Variants in JAKMIP2 observed in about 807,000 individuals in gnomAD.
JAKMIP2 encodes the protein janus kinase and microtubule-interacting protein 2.
JAKMIP2 carries 25 observed loss-of-function variants against 115.0 expected under a neutral mutation model. That is an observed-to-expected ratio of 0.22 (90% confidence interval 0.16 to 0.30). JAKMIP2 has a LOEUF of 0.30. JAKMIP2 is among the 10% of genes least tolerant of loss of function. JAKMIP2 has a pLI of 1.00. For synonymous variants in JAKMIP2, 334 were observed against 343.6 expected, an observed-to-expected ratio of 0.97 and a Z score of 0.31; for missense variants, 642 against 957.6, an observed-to-expected ratio of 0.67 and a Z score of 4.35.
intron 16 of JAKMIP2, among the ~76,000 whole-genome samples, chr5:147,626,699 C>A (rs1221515606): frequency 6.6e-6 from 1 of 152,150 alleles, no homozygotes; most frequent in Non-Finnish European, 1.5e-5. Flanking sequence ...TGTACTGCAC[C>A]CACACAGGGC....
chr5:147,702,903 ACT>A lies in JAKMIP2; in HGVS notation c.-148-30951_-148-30950del, dbSNP rs932290683. ...GACTCCTCATAAATATACTTGGGAA[ACT>A]CTGCAATAAATGGGATTTGTTTCCA... is the stretch of plus-strand genomic sequence containing the variant. On this transcript the variant is annotated intron_variant, in intron 1 of 21. Transcript: ENST00000616793. Among the ~76,000 whole-genome samples the A allele has an allele frequency of 1.1e-4, 17 of 152,214 alleles. No individual in the cohort carries two copies. In the East Asian group the frequency reaches 1.2e-3, roughly 10 times the overall value.
chr5:147,591,531 A>T lies in JAKMIP2; in HGVS notation c.*176T>A. On this transcript the variant is annotated 3_prime_UTR_variant, in exon 22 of 22. Transcript: ENST00000616793. ...TTGTGTAGGAACTGTCAAGTAAGAA[A>T]CCTTGAATAATGGCTTTAAAATACA... The T allele has an allele frequency of 5.5e-6, 4 of 733,656 alleles. No individual in the cohort carries two copies. The highest frequency in any genetic ancestry group is 5.1e-5 in the Admixed American group (2 of 38,992). 45.4% of individuals were successfully genotyped at this position (733,656 alleles called of 1,614,324 possible). A position where few individuals can be genotyped will look rare whatever the true frequency, so the allele number is the denominator to read the frequency against.
At chr5:147,720,826 T>C (rs1321868203) in intron 1 of JAKMIP2, among the ~76,000 whole-genome samples, 2 of 152,208 alleles carry the variant, frequency 1.3e-5, no homozygotes, top group African/African-American at 2.4e-5. Flanking sequence ...AATTTGATCA[T>C]CTGAAGCCTT....
chr5:147,595,662 T>C (rs1035414297), intron 21 of JAKMIP2: 1 of 337,926 alleles, frequency 3.0e-6, no homozygotes, highest in Admixed American at 3.4e-5. Context: ...TTGTAAGTAT[T>C]ACATAAAATA....
At chr5:147,725,936 G>A (rs539539161) in intron 1 of JAKMIP2, among the ~76,000 whole-genome samples, 25 of 152,208 alleles carry the variant, frequency 1.6e-4, no homozygotes, top group African/African-American at 5.5e-4. Flanking sequence ...GGAGAAACTC[G>A]AGAGCTGATG....
chr5:147,709,823 C>CT (rs1434663474), intron 1 of JAKMIP2, among the ~76,000 whole-genome samples: 1 of 152,172 alleles, frequency 6.6e-6, no homozygotes, highest in African/African-American at 2.4e-5. Context: ...GCACTCCAGC[C>CT]TGGGCAACAG....
intron 1 of JAKMIP2, among the ~76,000 whole-genome samples, chr5:147,678,435 C>T (rs1760089763): frequency 1.3e-5 from 2 of 152,108 alleles, no homozygotes; most frequent in South Asian, 2.1e-4. Flanking sequence ...ATATAATGTC[C>T]TCTGGGTCCA....
intron 19 of JAKMIP2, among the ~76,000 whole-genome samples, chr5:147,613,381 T>A (rs1257312077): frequency 6.6e-6 from 1 of 152,038 alleles, no homozygotes; most frequent in Admixed American, 6.6e-5. Context: ...AATGCAATGG[T>A]AGGAGAAAAA....
rs1391163551 is a variant in JAKMIP2, at chr5:147,782,443, G to A, written c.-149+13C>T. The A allele has an allele frequency of 5.9e-6, 9 of 1,535,822 alleles. No homozygotes were observed. Among genetic ancestry groups the A allele is most frequent in the Middle Eastern group, 3.3e-4 (2 of 5,990 alleles). Reference sequence around the variant, plus strand: ...TCTAAACCAAGAAGGGAGCCCTACTGTTTCCTACTCACCATGCTGAGACCC... The same window carrying A: ...TCTAAACCAAGAAGGGAGCCCTACTATTTCCTACTCACCATGCTGAGACCC... On this transcript the variant is annotated intron_variant, in intron 1 of 21. Transcript: ENST00000616793.
intron 21 of JAKMIP2, among the ~76,000 whole-genome samples, chr5:147,599,705 A>G (rs367711052): frequency 3.3e-5 from 5 of 152,282 alleles, no homozygotes; most frequent in Non-Finnish European, 2.9e-5. Flanking sequence ...ATGAACGCCA[A>G]TGTTGCTTGA....
At chr5:147,702,200 G>A (rs536965180) in intron 1 of JAKMIP2, among the ~76,000 whole-genome samples, 1 of 151,836 alleles carries the variant, frequency 6.6e-6, no homozygotes, top group African/African-American at 2.4e-5. Flanking sequence ...ACCTGCTAGT[G>A]GCTACCTTGC....
chr5:147,612,079 A>G, intron 20 of JAKMIP2: 1 of 694,174 alleles, frequency 1.4e-6, no homozygotes, highest in African/African-American at 1.7e-5. Flanking sequence ...ACACAGAAAA[A>G]ATAGGAAAGC....
intron 7 of JAKMIP2, among the ~76,000 whole-genome samples, chr5:147,642,835 G>C (rs1757943531): frequency 6.6e-6 from 1 of 152,186 alleles, no homozygotes; most frequent in Non-Finnish European, 1.5e-5. Flanking sequence ...TTTAACGTTT[G>C]AGTCAGTGGA....
chr5:147,660,884 C>T, intron 3 of JAKMIP2, 64 bp downstream of exon 3: 1 of 1,558,786 alleles, frequency 6.4e-7, no homozygotes, highest in Admixed American at 1.9e-5. Context: ...AAGCAAACCC[C>T]ACAGCGCTCT....
In JAKMIP2 at chr5:147,612,300, A is replaced by G. The variant is rs1256738196; in HGVS notation, c.2412+6T>C. ...TAATAAGATAGTTATTGAATTTGAC[A>G]CCTACCTTTTCTTCTAAGTCTTTTA... On this transcript the variant is annotated splice_donor_region_variant and intron_variant, in intron 20 of 21. Coordinates refer to ENST00000616793, the MANE Select transcript of JAKMIP2 (RefSeq NM_001270941.2). 6.7e-7 allele frequency: 1 copy of G among 1,503,000 alleles called. No homozygotes were observed. The highest frequency in any genetic ancestry group is 1.1e-5 in the South Asian group (1 of 87,664). 93.1% of individuals were successfully genotyped at this position (1,503,000 alleles called of 1,614,324 possible).
chr5:147,776,216 A>C (rs1755549920), intron 1 of JAKMIP2, among the ~76,000 whole-genome samples: 1 of 152,162 alleles, frequency 6.6e-6, no homozygotes, highest in Non-Finnish European at 1.5e-5. Flanking sequence ...TCCCACCCAA[A>C]TCTCATCCTG....
chr5:147,749,015 G>C (rs1327899790), intron 1 of JAKMIP2, among the ~76,000 whole-genome samples: 1 of 152,098 alleles, frequency 6.6e-6, no homozygotes, highest in South Asian at 2.1e-4. Context: ...AACGAACCTC[G>C]GTTATTACCT....
At chr5:147,711,181 C>T (rs962018754) in intron 1 of JAKMIP2, among the ~76,000 whole-genome samples, 2 of 152,090 alleles carry the variant, frequency 1.3e-5, no homozygotes, top group Non-Finnish European at 1.5e-5. Context: ...GAAACAGATG[C>T]TTGTGTCTAG....
At chr5:147,684,007 T>C (rs1760445954) in intron 1 of JAKMIP2, among the ~76,000 whole-genome samples, 1 of 152,130 alleles carries the variant, frequency 6.6e-6, no homozygotes, top group Non-Finnish European at 1.5e-5. Context: ...TACAGAGCAA[T>C]ACAGATCTGT....
Sources: gnomAD v4.1 joint callset for allele counts (sites outside exome capture counted in the v4.1 genomes callset) on GRCh38, gnomAD v4.1.1 for gene constraint, MANE v1.5 for transcripts, NCBI Gene and HGNC (gene_info 2026-07-23, HGNC 2026-07-21) for gene names.